APOBEC2: variants seen among roughly 807,000 people sequenced by gnomAD.
The protein encoded by APOBEC2 is apolipoprotein B mRNA editing enzyme catalytic subunit 2.
In APOBEC2, 14 loss-of-function variants were observed where a neutral mutation model predicts 19.4. The ratio of observed to expected loss-of-function variants is 0.72; its 90% CI spans 0.48 to 1.13. The LOEUF is 1.13. Ranked by LOEUF, APOBEC2 falls within the 50% of genes most tolerant of loss-of-function variation. APOBEC2 has a pLI of 0.00. For missense variants in APOBEC2, 304 were observed against 277.0 expected, an observed-to-expected ratio of 1.10 and a Z score of -0.69; for synonymous variants, 127 against 112.1, an observed-to-expected ratio of 1.13 and a Z score of -0.84.
At chr6:41,058,569 T>C (rs1432236909) in intron 1 of APOBEC2, among the ~76,000 whole-genome samples, 1 of 152,216 alleles carries the variant, frequency 6.6e-6, no homozygotes, top group Non-Finnish European at 1.5e-5. Flanking sequence ...TTAGGTGTCA[T>C]TATTTCCTTC....
At chr6:41,058,614 CTG>C (rs977402715) in intron 1 of APOBEC2, among the ~76,000 whole-genome samples, 4 of 152,124 alleles carry the variant, frequency 2.6e-5, no homozygotes, top group Admixed American at 2.6e-4. Flanking sequence ...TTAATTTATT[CTG>C]TGAGTCTACA....
intron 1 of APOBEC2, among the ~76,000 whole-genome samples, chr6:41,056,883 T>C (rs1762803351): frequency 6.6e-6 from 1 of 152,076 alleles, no homozygotes; most frequent in Non-Finnish European, 1.5e-5. Flanking sequence ...CCAGCAACAC[T>C]AGATTTAGGT....
At chr6:41,057,972 C>T (rs1762815807) in intron 1 of APOBEC2, among the ~76,000 whole-genome samples, 1 of 152,156 alleles carries the variant, frequency 6.6e-6, no homozygotes, top group Admixed American at 6.5e-5. Context: ...TGAAGTGTGA[C>T]TGGTCTTGTT....
In APOBEC2 at chr6:41,061,425, C is replaced by G; in HGVS notation, c.229C>G (p.Gln77Glu). The G allele has an allele frequency of 1.9e-6, 3 of 1,611,556 alleles. No individual in the cohort carries two copies. Among genetic ancestry groups the G allele is most frequent in the Non-Finnish European group, 8.5e-7 (1 of 1,178,798 alleles). Residue 77 changes from glutamine (Q) to glutamate (E), a missense_variant, in exon 2 of 3, where the codon CAG becomes GAG. Transcript: ENST00000244669. ...CTTCCTCTGCTATGTGGTTGAAGCA[C>G]AGGGCAAGGGGGGCCAAGTGCAGGC... ...KTFLCYVVEA[Q>E]GKGGQVQASR...
intron 1 of APOBEC2, 35 bp from the exon 2 acceptor site, chr6:41,061,293 A>T (rs1762867134): frequency 6.6e-7 from 1 of 1,508,580 alleles, no homozygotes. Context: ...AGAACTTATC[A>T]TTCTTTCCTG....
intron 1 of APOBEC2, among the ~76,000 whole-genome samples, chr6:41,053,788 A>C (rs1581987697): frequency 1.3e-5 from 2 of 152,166 alleles, no homozygotes; most frequent in South Asian, 4.1e-4. Flanking sequence ...CTCTGGGTAG[A>C]AGCTTAGTCC....
intron 1 of APOBEC2, among the ~76,000 whole-genome samples, chr6:41,060,084 A>G (rs1762853086): frequency 6.6e-6 from 1 of 152,198 alleles, no homozygotes; most frequent in Admixed American, 6.5e-5. Context: ...ACATACACAT[A>G]AAAGTAAAAA....
At chr6:41,063,124 G>T (rs552762226) in intron 2 of APOBEC2, among the ~76,000 whole-genome samples, 72 of 152,302 alleles carry the variant, frequency 4.7e-4, no homozygotes, top group African/African-American at 1.7e-3. Context: ...GTTGGCAGGT[G>T]TTTTCTATTA....
At chr6:41,061,179 GTC>G in intron 1 of APOBEC2, 147 bp from the exon 2 acceptor site, 5 of 51,244 alleles carry the variant, frequency 9.8e-5, no homozygotes, top group Non-Finnish European at 1.7e-4. Context: ...TTTTTTTTTT[GTC>G]ACTGATGTTA....
chr6:41,057,342 C>A (rs9381028), intron 1 of APOBEC2, among the ~76,000 whole-genome samples: 59,078 of 151,872 alleles, frequency 0.39, 12,143 homozygotes, highest in African/African-American at 0.51. Flanking sequence ...AGCGCACTGA[C>A]TCTGGCCAAC....
At chr6:41,057,962 T>C (rs985320950) in intron 1 of APOBEC2, among the ~76,000 whole-genome samples, 1 of 152,202 alleles carries the variant, frequency 6.6e-6, no homozygotes, top group African/African-American at 2.4e-5. Flanking sequence ...TCTAAGCAGA[T>C]GAAGTGTGAC....
chr6:41,057,297 G>A (rs13218024), intron 1 of APOBEC2, among the ~76,000 whole-genome samples: 1 of 152,166 alleles, frequency 6.6e-6, no homozygotes. Flanking sequence ...GGCCTCTGGA[G>A]CACGCTGGGT....
intron 2 of APOBEC2, among the ~76,000 whole-genome samples, chr6:41,062,554 T>A (rs1029681010): frequency 1.3e-5 from 2 of 152,224 alleles, no homozygotes; most frequent in Non-Finnish European, 2.9e-5. Flanking sequence ...GTAGAATTCA[T>A]GGAGGATGTC....
intron 1 of APOBEC2, among the ~76,000 whole-genome samples, chr6:41,054,434 T>C (rs150536560): frequency 1.3e-5 from 2 of 152,216 alleles, no homozygotes; most frequent in East Asian, 1.9e-4. Flanking sequence ...AAAGGAGGCA[T>C]GATGCTTTCA....
At chr6:41,058,835 C>T (rs1762836648) in intron 1 of APOBEC2, among the ~76,000 whole-genome samples, 1 of 152,182 alleles carries the variant, frequency 6.6e-6, no homozygotes, top group African/African-American at 2.4e-5. Flanking sequence ...CCCAAGGGAA[C>T]GACTAGGAAC....
intron 1 of APOBEC2, among the ~76,000 whole-genome samples, chr6:41,058,198 C>T (rs1762821830): frequency 7.3e-6 from 1 of 137,784 alleles, no homozygotes; most frequent in Admixed American, 7.5e-5. Context: ...CGTTTCTACG[C>T]ATGAGGAAGT....
chr6:41,061,548 A>C lies in APOBEC2; in HGVS notation c.352A>C (p.Asn118His), dbSNP rs1561837981. The change falls in exon 2 of 3, where the codon AAT (asparagine) becomes CAT (histidine). Residue 118 changes from asparagine (N) to histidine (H), a missense_variant. Transcript: ENST00000244669. ...AGCCTTCGACCCAGCCCTGCGGTAC[A>C]ATGTCACCTGGTATGTGTCCTCCAG... ...LPAFDPALRY[N>H]VTWYVSSSPC... is the part of the protein sequence containing the mutation. 3 of 1,614,064 alleles carry C rather than the reference A, an allele frequency of 1.9e-6. No homozygotes were observed. In the African/African-American group the frequency reaches 4.0e-5, roughly 22 times the overall value.
At chr6:41,054,104 A>G (rs1192973167) in intron 1 of APOBEC2, among the ~76,000 whole-genome samples, 2 of 152,228 alleles carry the variant, frequency 1.3e-5, no homozygotes, top group African/African-American at 4.8e-5. Flanking sequence ...TTATGGACAC[A>G]GGAGCTGTTC....
intron 1 of APOBEC2, 92 bp from the exon 2 acceptor site, chr6:41,061,236 A>T: frequency 9.9e-7 from 1 of 1,009,176 alleles, no homozygotes; most frequent in South Asian, 2.5e-5. Context: ...GCATTTCTGA[A>T]GTACTGACCT....
Sources: gnomAD v4.1 joint callset for allele counts (sites outside exome capture counted in the v4.1 genomes callset) on GRCh38, gnomAD v4.1.1 for gene constraint, MANE v1.5 for transcripts, NCBI Gene and HGNC (gene_info 2026-07-23, HGNC 2026-07-21) for gene names.